Variants in CAMTA1 observed in about 807,000 individuals in gnomAD.
CAMTA1 encodes the protein calmodulin binding transcription activator 1.
Under a neutral mutation model 170.9 loss-of-function variants are expected in CAMTA1, and 27 were observed. The ratio of observed to expected loss-of-function variants is 0.16; its 90% CI spans 0.12 to 0.22. CAMTA1 has a LOEUF of 0.22. CAMTA1 is among the 10% of genes least tolerant of loss of function. The pLI, the probability that CAMTA1 is intolerant of heterozygous loss-of-function variation, is 1.00. For synonymous variants in CAMTA1, 833 were observed against 891.5 expected (o/e 0.93, Z 1.17); for missense variants, 1,619 against 2,217.2 (o/e 0.73, Z 5.42).
At position 7,112,700 on chromosome 1, in the gene CAMTA1, G is replaced by T. The variant is rs1199613074; in HGVS notation, c.302+21329G>T. Among the ~76,000 whole-genome samples, 7 of 152,316 alleles carry T rather than the reference G, an allele frequency of 4.6e-5. No individual in the cohort carries two copies. The South Asian group carries it at 1.5e-3, about 32-fold the overall frequency. ...CAGCCTCCCGCTCAGACTTGCCATTGAACACAAGGGCAGGGTTACAGTTAC... is the reference window on the plus strand; with the variant it reads ...CAGCCTCCCGCTCAGACTTGCCATTTAACACAAGGGCAGGGTTACAGTTAC... On this transcript the variant is annotated intron_variant, in intron 4 of 22. Coordinates refer to ENST00000303635, the MANE Select transcript of CAMTA1 (RefSeq NM_015215.4).
Position 7,665,479 on chromosome 1 carries a change from C to T in CAMTA1, c.2652+280C>T, listed in dbSNP as rs1263713420. ...CTGTAATCCCAGAACTTTGGGAGGC[C>T]GAGGCAGGAGGATCATCTGAGCCAA... On this transcript the variant is annotated intron_variant, in intron 9 of 22. Coordinates refer to ENST00000303635, the MANE Select transcript of CAMTA1 (RefSeq NM_015215.4). This position sits in a 1 kb window ranked among gnomAD's most constrained non-coding sequence, Gnocchi z 4.3. Among the ~76,000 whole-genome samples the T allele has an allele frequency of 2.0e-5, 3 of 152,050 alleles. No homozygotes were observed. The highest frequency in any genetic ancestry group is 1.9e-4 in the East Asian group (1 of 5,188).
At position 7,675,414 on chromosome 1, in the gene CAMTA1, A is replaced by T. The variant is rs952022804; in HGVS notation, c.2780-2185A>T. Among the ~76,000 whole-genome samples, 22 of 152,310 alleles carry T rather than the reference A, an allele frequency of 1.4e-4. 1 individual carries two copies. The highest frequency in any genetic ancestry group is 6.8e-3 in the Middle Eastern group (2 of 294). On this transcript the variant is annotated intron_variant, in intron 10 of 22. Transcript: ENST00000303635. ...TTAAGCAGGGAGTGGCTTGATCTAAATGATGTCTTTAAAGATGATTCTGGG... is the reference window on the plus strand; with the variant it reads ...TTAAGCAGGGAGTGGCTTGATCTAATTGATGTCTTTAAAGATGATTCTGGG...
intron 6 of CAMTA1, among the ~76,000 whole-genome samples, chr1:7,492,740 C>T (rs544192865): frequency 5.2e-5 from 4 of 77,200 alleles, no homozygotes; most frequent in African/African-American, 3.4e-4. Flanking sequence ...TACATACACA[C>T]ACGCGCGCAC....
chr1:6,936,702 G>A (rs1196402487), intron 3 of CAMTA1, among the ~76,000 whole-genome samples: 2 of 152,176 alleles, frequency 1.3e-5, no homozygotes, highest in Non-Finnish European at 2.9e-5. Context: ...ATAAACCAGA[G>A]AGAGGGTGGG....
chr1:7,549,097 T>C (rs1214124082), intron 6 of CAMTA1, among the ~76,000 whole-genome samples: 2 of 125,934 alleles, frequency 1.6e-5, no homozygotes, highest in African/African-American at 3.1e-5. Context: ...GGGGTGGAGG[T>C]GCCCTTGCAG....
rs138220146 is a variant in CAMTA1, at chr1:7,631,030, G to A, written c.511-9370G>A. 2.1e-4 allele frequency among the ~76,000 whole-genome samples: 32 copies of A among 152,220 alleles called. No homozygotes were observed. The East Asian group carries it at 3.1e-3, about 15-fold the overall frequency. On this transcript the variant is annotated intron_variant, in intron 6 of 22. Coordinates refer to ENST00000303635, the MANE Select transcript of CAMTA1 (RefSeq NM_015215.4). ...GACCTAGATCTGTACCCCAGTTACC[G>A]GGTGCTCAGCTCCAGGGTCCCTGAA... is the stretch of plus-strand genomic sequence containing the variant.
chr1:7,766,757 C>T lies in CAMTA1; in HGVS notation c.*266C>T, dbSNP rs188052833. The T allele has an allele frequency of 1.2e-4, 54 of 466,876 alleles. 1 individual carries two copies. Among genetic ancestry groups the T allele is most frequent in the African/African-American group, 8.5e-4 (44 of 51,486 alleles). The allele number at this position is 466,876 out of a possible 1,614,324, so 28.9% of individuals were successfully genotyped here. A position where few individuals can be genotyped will look rare whatever the true frequency, so the allele number is the denominator to read the frequency against. Reference sequence around the variant, plus strand: ...TGGAACTCAATCTTCTGTTGGATCACGGGAAATCAAGACACCCAGGAGGAA... The same window carrying T: ...TGGAACTCAATCTTCTGTTGGATCATGGGAAATCAAGACACCCAGGAGGAA... On this transcript the variant is annotated 3_prime_UTR_variant, in exon 23 of 23. Transcript: ENST00000303635.
In CAMTA1 at chr1:7,562,928, C is replaced by T. The variant is rs933755451; in HGVS notation, c.511-77472C>T. Among the ~76,000 whole-genome samples the T allele has an allele frequency of 6.6e-6, 1 of 152,224 alleles. No homozygotes were observed. The highest frequency in any genetic ancestry group is 2.4e-5 in the African/African-American group (1 of 41,476). ...GGCTGTTTAGCCAGAGCTTGGGGCC[C>T]ACCCACCCCAGCTGGTCCTTGAATC... On this transcript the variant is annotated intron_variant, in intron 6 of 22. Transcript: ENST00000303635. The surrounding 1 kb of genome is among the most constrained non-coding windows in gnomAD (Gnocchi z 4.8).
intron 11 of CAMTA1, among the ~76,000 whole-genome samples, chr1:7,696,186 T>TG (rs75271408): frequency 0.49 from 74,661 of 151,902 alleles, 18,549 homozygotes; most frequent in East Asian, 0.66. Context: ...AAGTTTTTGT[T>TG]TTGTTGTTGC....
At chr1:7,287,266 A>G (rs1012599341) in intron 5 of CAMTA1, among the ~76,000 whole-genome samples, 1 of 152,164 alleles carries the variant, frequency 6.6e-6, no homozygotes, top group Non-Finnish European at 1.5e-5. Flanking sequence ...GTTCTGCAGA[A>G]TGCATGGCAG....
At chr1:7,491,557 A>G (rs1416947967) in intron 6 of CAMTA1, among the ~76,000 whole-genome samples, 2 of 152,182 alleles carry the variant, frequency 1.3e-5, no homozygotes, top group Non-Finnish European at 2.9e-5. Flanking sequence ...CTGGGCGGGG[A>G]AAAAGGCAGA....
Position 7,732,390 on chromosome 1 carries a change from C to T in CAMTA1, c.2915-58C>T, listed in dbSNP as rs1159947184. The T allele has an allele frequency of 4.0e-6, 6 of 1,511,180 alleles. No homozygotes were observed. Among genetic ancestry groups the T allele is most frequent in the East Asian group, 2.3e-5 (1 of 44,250 alleles). 93.6% of individuals were successfully genotyped at this position (1,511,180 alleles called of 1,614,324 possible). A position where few individuals can be genotyped will look rare whatever the true frequency, so the allele number is the denominator to read the frequency against. On this transcript the variant is annotated intron_variant, in intron 11 of 22. Coordinates refer to ENST00000303635, the MANE Select transcript of CAMTA1 (RefSeq NM_015215.4). This position sits in a 1 kb window ranked among gnomAD's most constrained non-coding sequence, Gnocchi z 4.1. ...TGGTCCCGCAAGGCTGGCGAGGCCA[C>T]GTGTTGACTGCTTTTCTTCCAGAAC... is the stretch of plus-strand genomic sequence containing the variant.
Position 7,251,853 on chromosome 1 carries a change from CTGTGTGTGTGTATATATGTT to C in CAMTA1, c.438+2239_438+2258del, listed in dbSNP as rs1666693418. Among the ~76,000 whole-genome samples, 1 of 151,916 alleles carries C rather than the reference CTGTGTGTGTGTATATATGTT, an allele frequency of 6.6e-6. No individual in the cohort carries two copies. The highest frequency in any genetic ancestry group is 2.4e-5 in the African/African-American group (1 of 41,442). ...TGAGCCCTTAAAGTCGGGTGGGACTCTGTGTGTGTGTATATATGTTTGTGTGTGTGTGTGTGCGTATGTGC... is the reference window on the plus strand; with the variant it reads ...TGAGCCCTTAAAGTCGGGTGGGACTCTGTGTGTGTGTGTGTGCGTATGTGC... On this transcript the variant is annotated intron_variant, in intron 5 of 22. Coordinates refer to ENST00000303635, the MANE Select transcript of CAMTA1 (RefSeq NM_015215.4). This position sits in a 1 kb window ranked among gnomAD's most constrained non-coding sequence, Gnocchi z 5.1.
chr1:7,034,395 C>A (rs1703267711), intron 3 of CAMTA1, among the ~76,000 whole-genome samples: 1 of 152,160 alleles, frequency 6.6e-6, no homozygotes, highest in Non-Finnish European at 1.5e-5. Context: ...ACCTTGTGAT[C>A]CACCCGCCTC....
chr1:7,591,092 C>G (rs185007345), intron 6 of CAMTA1, among the ~76,000 whole-genome samples: 5 of 152,268 alleles, frequency 3.3e-5, no homozygotes, highest in African/African-American at 1.2e-4. Flanking sequence ...TAACCTGGGA[C>G]TAGACCCTCA....
chr1:7,051,799 G>A lies in CAMTA1; in HGVS notation c.235-39505G>A, dbSNP rs972605029. 2.6e-5 allele frequency among the ~76,000 whole-genome samples: 4 copies of A among 151,472 alleles called. No individual in the cohort carries two copies. The East Asian group carries it at 7.8e-4, about 30-fold the overall frequency. ...GAATAGGTGGTCCCGTTAAACCCAA[G>A]ATGGTGCTCTGTGGTGTCCCAGTCT... On this transcript the variant is annotated intron_variant, in intron 3 of 22. Coordinates refer to ENST00000303635, the MANE Select transcript of CAMTA1 (RefSeq NM_015215.4).
intron 7 of CAMTA1, among the ~76,000 whole-genome samples, chr1:7,661,287 T>C (rs2995029): frequency 0.22 from 32,942 of 152,018 alleles, 3,776 homozygotes; most frequent in Middle Eastern, 0.33. Context: ...TCCTCCCGGC[T>C]CGGTGCTTGT....
chr1:7,276,303 A>ATATATATATATTTT, intron 5 of CAMTA1, among the ~76,000 whole-genome samples: 29 of 24,216 alleles, frequency 1.2e-3, no homozygotes, highest in South Asian at 4.7e-3. Flanking sequence ...ATATATATAT[A>ATATATATATATTTT]TTTTTTTTTT....
At chr1:7,568,924 C>A (rs1190348271) in intron 6 of CAMTA1, among the ~76,000 whole-genome samples, 1 of 151,732 alleles carries the variant, frequency 6.6e-6, no homozygotes, top group Non-Finnish European at 1.5e-5. Flanking sequence ...ACATCACCAT[C>A]ATCATCATCT....
Sources: gnomAD v4.1 joint callset for allele counts (sites outside exome capture counted in the v4.1 genomes callset) on GRCh38, gnomAD v4.1.1 for gene constraint, Gnocchi (gnomAD v3.1) non-coding constraint, MANE v1.5 for transcripts, NCBI Gene and HGNC (gene_info 2026-07-23, HGNC 2026-07-21) for gene names.